The following ERC1 variants were observed in gnomAD, a reference collection of about 807,000 sequenced individuals.
ERC1 encodes the protein ELKS/RAB6-interacting/CAST family member 1, also known as RAB6 interacting protein 2.
ERC1 carries 56 observed loss-of-function variants against 132.0 expected under a neutral mutation model. The observed-to-expected ratio is 0.42, with a 90% CI of 0.34 to 0.53. The LOEUF (loss-of-function observed/expected upper bound fraction) is 0.53, where lower values mean the gene tolerates loss of function less well. Ranked by LOEUF, ERC1 falls within the 20% of genes least tolerant of loss-of-function variation. The pLI is 0.03. For synonymous variants in ERC1, 478 were observed against 476.1 expected (o/e 1.00, Z -0.05); for missense variants, 1,202 against 1,349.9 (o/e 0.89, Z 1.72).
rs1368068825 is a variant in ERC1, at chr12:1,178,797, A to G, written c.1738-1743A>G. Among the ~76,000 whole-genome samples the G allele has an allele frequency of 3.3e-5, 5 of 152,082 alleles. No homozygotes were observed. The East Asian group carries it at 7.7e-4, about 23-fold the overall frequency. On this transcript the variant is annotated intron_variant, in intron 8 of 18. Transcript: ENST00000360905. ...TGCCCTACACTATGTTGATTCATTC[A>G]TTTGTTCAGTCACTCATTCCCTCCC... is the stretch of plus-strand genomic sequence containing the variant.
intron 17 of ERC1, among the ~76,000 whole-genome samples, chr12:1,409,956 G>A (rs560292497): frequency 2.1e-4 from 32 of 152,126 alleles, no homozygotes; most frequent in African/African-American, 6.7e-4. Context: ...TGATCTGCCC[G>A]CCTTGGCCTC....
At chr12:1,162,953 A>G (rs1952018496) in intron 8 of ERC1, among the ~76,000 whole-genome samples, 1 of 152,088 alleles carries the variant, frequency 6.6e-6, no homozygotes, top group Admixed American at 6.5e-5. Flanking sequence ...TTGTTGATGG[A>G]GAATATGTAT....
intron 15 of ERC1, among the ~76,000 whole-genome samples, chr12:1,349,476 C>T (rs116971021): frequency 0.022 from 3,367 of 152,128 alleles, 63 homozygotes; most frequent in Non-Finnish European, 0.035. Flanking sequence ...ACCAGCCTGT[C>T]CAATATGGTG....
At chr12:1,061,769 T>C (rs546496850) in intron 2 of ERC1, among the ~76,000 whole-genome samples, 9 of 151,990 alleles carry the variant, frequency 5.9e-5, no homozygotes, top group African/African-American at 2.2e-4. Context: ...CTCTGGTTTC[T>C]ATTTTGCTTA....
chr12:1,203,325 T>A (rs1256036453), intron 12 of ERC1, among the ~76,000 whole-genome samples: 1 of 152,230 alleles, frequency 6.6e-6, no homozygotes, highest in East Asian at 1.9e-4. Context: ...CCCAAAGTGC[T>A]GGGATTACAG....
rs1462371264 is a variant in ERC1 at position 1,458,969 on chromosome 12, CACGTGATAATCCCAGAACAGTTTTAT to C, written c.3213+14222_3213+14247del. ...GAGTCTAGGGCTGTGTGTGGGAAAGCACGTGATAATCCCAGAACAGTTTTATACCAGAAAGTAAGGAAGCATTCCAA... is the reference window on the plus strand; with the variant it reads ...GAGTCTAGGGCTGTGTGTGGGAAAGCACCAGAAAGTAAGGAAGCATTCCAA... On this transcript the variant is annotated intron_variant, in intron 18 of 18. Transcript: ENST00000360905. Among the ~76,000 whole-genome samples the C allele has an allele frequency of 3.3e-5, 5 of 152,190 alleles. No individual in the cohort carries two copies. The East Asian group carries it at 9.6e-4, about 29-fold the overall frequency.
chr12:1,349,116 CA>C (rs773099156), intron 15 of ERC1, among the ~76,000 whole-genome samples: 71 of 152,254 alleles, frequency 4.7e-4, no homozygotes, highest in Non-Finnish European at 7.9e-4. Flanking sequence ...ACATATTCAA[CA>C]AGTAGACGTC....
chr12:1,141,535 T>C, intron 7 of ERC1, 85 bp from the exon 8 acceptor site: 1 of 1,145,730 alleles, frequency 8.7e-7, no homozygotes, highest in Non-Finnish European at 1.2e-6. Flanking sequence ...CTCAACCTCT[T>C]TATAACCTTT....
At chr12:1,110,837 G>A (rs1355150152) in intron 5 of ERC1, among the ~76,000 whole-genome samples, 1 of 151,948 alleles carries the variant, frequency 6.6e-6, no homozygotes, top group Non-Finnish European at 1.5e-5. Flanking sequence ...CAAGTAGCTG[G>A]GATTACAGGT....
intron 8 of ERC1, among the ~76,000 whole-genome samples, chr12:1,160,508 G>A (rs554553680): frequency 1.3e-5 from 2 of 152,140 alleles, no homozygotes; most frequent in East Asian, 3.9e-4. Flanking sequence ...GCTGAGGAGG[G>A]TGGATCACCT....
chr12:1,353,028 C>CTTTTTTTTTTTT (rs547540688), intron 15 of ERC1, among the ~76,000 whole-genome samples: 1 of 123,012 alleles, frequency 8.1e-6, no homozygotes, highest in Non-Finnish European at 1.8e-5. Flanking sequence ...CTTTTCTTTT[C>CTTTTTTTTTTTT]TTTTTTTTTT....
intron 8 of ERC1, among the ~76,000 whole-genome samples, chr12:1,147,688 G>T (rs928876193): frequency 1.3e-5 from 2 of 152,138 alleles, no homozygotes; most frequent in Admixed American, 1.3e-4. Context: ...AGTAAAATAC[G>T]AATTTTTAAA....
intron 12 of ERC1, among the ~76,000 whole-genome samples, chr12:1,218,862 A>G (rs1594307640): frequency 6.6e-6 from 1 of 151,576 alleles, no homozygotes; most frequent in East Asian, 1.9e-4. Context: ...ACACATATAT[A>G]TATATATTCT....
At chr12:1,147,067 A>C (rs113499685) in intron 8 of ERC1, among the ~76,000 whole-genome samples, 6,860 of 152,234 alleles carry the variant, frequency 0.045, 501 homozygotes, top group African/African-American at 0.16. Flanking sequence ...TATTGTGAAT[A>C]GTGCCGCAAT....
chr12:1,065,310 A>G (rs534891596), intron 2 of ERC1, among the ~76,000 whole-genome samples: 200 of 152,146 alleles, frequency 1.3e-3, no homozygotes, highest in African/African-American at 4.3e-3. Flanking sequence ...CCTGTCTGAG[A>G]TTTTGCAAAA....
chr12:1,279,113 A>AT (rs1056289754), intron 14 of ERC1, among the ~76,000 whole-genome samples: 2 of 152,130 alleles, frequency 1.3e-5, no homozygotes, highest in African/African-American at 4.8e-5. Flanking sequence ...AGATCTTTAG[A>AT]TTCATTTGCC....
intron 15 of ERC1, among the ~76,000 whole-genome samples, chr12:1,365,591 T>C (rs921648461): frequency 2.0e-5 from 3 of 152,192 alleles, no homozygotes; most frequent in African/African-American, 2.4e-5. Context: ...TGGGCAAACA[T>C]TGAAGACTAG....
chr12:1,080,805 C>T (rs1448420523), intron 2 of ERC1, among the ~76,000 whole-genome samples: 1 of 152,052 alleles, frequency 6.6e-6, no homozygotes, highest in African/African-American at 2.4e-5. Flanking sequence ...TGCCTCATAC[C>T]GTGATTCTGA....
In ERC1 at chr12:1,425,938, T is replaced by C. The variant is rs552861117; in HGVS notation, c.3024+17691T>C. Among the ~76,000 whole-genome samples, 7 of 152,252 alleles carry C rather than the reference T, an allele frequency of 4.6e-5. No homozygotes were observed. In the East Asian group the frequency reaches 1.4e-3, roughly 29 times the overall value. On this transcript the variant is annotated intron_variant, in intron 17 of 18. Transcript: ENST00000360905. The stretch of plus-strand genomic sequence containing the variant: ...TCTGAAATGGAAGTGATGATAACTA[T>C]CCTACTTTTCTTGAGGCACCGATGT...
Sources: gnomAD v4.1 joint callset for allele counts (sites outside exome capture counted in the v4.1 genomes callset) on GRCh38, gnomAD v4.1.1 for gene constraint, MANE v1.5 for transcripts, NCBI Gene and HGNC (gene_info 2026-07-23, HGNC 2026-07-21) for gene names.